SNX25: variants seen among roughly 807,000 people sequenced by gnomAD.
The protein encoded by SNX25 is sorting nexin-25.
A neutral mutation model predicts 113.7 loss-of-function variants in SNX25; 62 were observed. The observed-to-expected ratio is 0.55, with a 90% CI of 0.44 to 0.67. The LOEUF (loss-of-function observed/expected upper bound fraction) is 0.67. Ranked by LOEUF, SNX25 falls within the 30% of genes least tolerant of loss-of-function variation. The pLI is 0.00. For missense variants in SNX25, 1,014 were observed against 1,161.0 expected, an observed-to-expected ratio of 0.87 and a Z score of 1.84; for synonymous variants, 421 against 436.2, an observed-to-expected ratio of 0.97 and a Z score of 0.43.
chr4:185,305,663 A>G (rs951894836), intron 6 of SNX25, among the ~76,000 whole-genome samples: 1 of 152,202 alleles, frequency 6.6e-6, no homozygotes, highest in African/African-American at 2.4e-5. Context: ...AGTCTGTTGT[A>G]ATGTCTTTGT....
chr4:185,327,504 T>C (rs890234981), intron 9 of SNX25, among the ~76,000 whole-genome samples: 1 of 152,238 alleles, frequency 6.6e-6, no homozygotes, highest in Non-Finnish European at 1.5e-5. Flanking sequence ...CCAGTTAATT[T>C]ACTTTAGGAC....
downstream of SNX25, among the ~76,000 whole-genome samples, chr4:185,372,398 A>T (rs2095418965): frequency 6.6e-6 from 1 of 152,254 alleles, no homozygotes; most frequent in South Asian, 2.1e-4. Flanking sequence ...GTAAAATTTA[A>T]AAGTTTAGTG....
intron 4 of SNX25, among the ~76,000 whole-genome samples, chr4:185,265,685 C>T (rs994320500): frequency 4.6e-5 from 7 of 151,998 alleles, no homozygotes; most frequent in African/African-American, 1.4e-4. Flanking sequence ...ACTTTATGAA[C>T]TTTTAATTTT....
intron 7 of SNX25, among the ~76,000 whole-genome samples, chr4:185,317,080 A>C (rs553266372): frequency 1.4e-4 from 21 of 152,350 alleles, no homozygotes; most frequent in African/African-American, 4.3e-4. Context: ...CACATCTGAC[A>C]AAGGTCTAAT....
rs578216997 is a variant in SNX25, at chr4:185,291,142, A to AT, written c.1162+3063dup. Reference sequence around the variant, plus strand: ...TCTAAATGCCTTTCTGGCCCTGATCATTTAAAGGAGCTCACATTCCTTAGA... The same window carrying AT: ...TCTAAATGCCTTTCTGGCCCTGATCATTTTAAAGGAGCTCACATTCCTTAGA... On this transcript the variant is annotated intron_variant, in intron 6 of 18. Transcript: ENST00000652585. Among the ~76,000 whole-genome samples the AT allele has an allele frequency of 5.0e-3, 751 of 150,462 alleles. 7 individuals carry two copies. Among genetic ancestry groups the AT allele is most frequent in the South Asian group, 0.034 (158 of 4,670 alleles).
At chr4:185,233,571 T>C (rs1742172361) in intron 1 of SNX25, among the ~76,000 whole-genome samples, 1 of 152,188 alleles carries the variant, frequency 6.6e-6, no homozygotes, top group Admixed American at 6.5e-5. Flanking sequence ...TCAGTTACCT[T>C]TTTCTAAGCC....
At chr4:185,255,800 A>G (rs1746323189) in intron 2 of SNX25, among the ~76,000 whole-genome samples, 1 of 152,154 alleles carries the variant, frequency 6.6e-6, no homozygotes, top group African/African-American at 2.4e-5. Flanking sequence ...TTTGAGCCTC[A>G]ATTTCCTGAA....
In SNX25 at chr4:185,288,613, TG is replaced by T. The variant is rs769586379; in HGVS notation, c.1162+538del. 7.4e-4 allele frequency among the ~76,000 whole-genome samples: 37 copies of T among 50,120 alleles called. No individual in the cohort carries two copies. In the South Asian group the frequency reaches 0.01, roughly 14 times the overall value. 32.9% of individuals were successfully genotyped at this position (50,120 alleles called of 152,430 possible). A position where few individuals can be genotyped will look rare whatever the true frequency, so the allele number is the denominator to read the frequency against. ...TTGTGTTGTAGGTTTTGTTGGGGGGTGGGGGGGTGGTGTATATATATATTGC... is the reference window on the plus strand; with the variant it reads ...TTGTGTTGTAGGTTTTGTTGGGGGGTGGGGGGTGGTGTATATATATATTGC... On this transcript the variant is annotated intron_variant, in intron 6 of 18. Transcript: ENST00000652585.
At position 185,310,770 on chromosome 4, in the gene SNX25, A is replaced by G; in HGVS notation, c.1298A>G (p.Gln433Arg). ...CTGGGAGGCCCTGCCTATGACCAGC[A>G]AGAGGATGGGGCCCTGGATGAGGGG... Reference protein sequence around the residue: ...RILGGPAYDQQEDGALDEGEG... With the variant: ...RILGGPAYDQREDGALDEGEG... The change falls in exon 7 of 19, where the codon CAA (glutamine) becomes CGA (arginine). Residue 433 changes from glutamine to arginine, a missense_variant. By Grantham distance (43) the Gln-to-Arg change is conservative. Coordinates refer to ENST00000652585, the MANE Select transcript of SNX25 (RefSeq NM_001378034.2). The G allele has an allele frequency of 6.2e-7, 1 of 1,613,728 alleles. No individual in the cohort carries two copies. The highest frequency in any genetic ancestry group is 8.5e-7 in the Non-Finnish European group (1 of 1,179,822).
Position 185,358,139 on chromosome 4 carries a change from C to G in SNX25, c.2651+402C>G, listed in dbSNP as rs1186952882. Among the ~76,000 whole-genome samples, 6 of 152,292 alleles carry G rather than the reference C, an allele frequency of 3.9e-5. No homozygotes were observed. The East Asian group carries it at 9.6e-4, about 24-fold the overall frequency. The stretch of plus-strand genomic sequence containing the variant: ...ATGAGCATCACATGGCAGGCGTTTA[C>G]TTAGAGGAAAATACAGACCATGTAT... On this transcript the variant is annotated intron_variant, in intron 16 of 18. Transcript: ENST00000652585.
At chr4:185,328,355 G>T (rs1044342161) in intron 9 of SNX25, among the ~76,000 whole-genome samples, 1 of 152,116 alleles carries the variant, frequency 6.6e-6, no homozygotes, top group Non-Finnish European at 1.5e-5. Context: ...TTCCCAAAAC[G>T]GGATTTGTGG....
downstream of SNX25, chr4:185,374,442 A>T (rs372847171): frequency 1.3e-5 from 21 of 1,613,846 alleles, no homozygotes; most frequent in Non-Finnish European, 1.6e-5. Flanking sequence ...AATTTTCTTC[A>T]TATAGTCCAC....
chr4:185,208,715 C>G (rs533915341), upstream of SNX25, among the ~76,000 whole-genome samples: 11 of 151,354 alleles, frequency 7.3e-5, no homozygotes, highest in Admixed American at 3.9e-4. Context: ...GCAACAGAGA[C>G]TCCGTCTCAA....
At chr4:185,343,091 A>G (rs940655354) in intron 12 of SNX25, among the ~76,000 whole-genome samples, 2 of 152,070 alleles carry the variant, frequency 1.3e-5, no homozygotes, top group Non-Finnish European at 2.9e-5. Flanking sequence ...GGGTTTCACC[A>G]TGTTGGCCAG....
rs144091349 is a variant in SNX25 at position 185,357,849 on chromosome 4, C to T, written c.2651+112C>T. 325 of 913,280 alleles carry T rather than the reference C, an allele frequency of 3.6e-4. 1 individual carries two copies. The African/African-American group carries it at 4.6e-3, about 13-fold the overall frequency. The allele number at this position is 913,280 out of a possible 1,614,324, so 56.6% of individuals were successfully genotyped here. A position where few individuals can be genotyped will look rare whatever the true frequency, so the allele number is the denominator to read the frequency against. ...TTTAACTGAAAGTCTTTAATTTTCTCTCACTTTTCGTTTCTGATATGATTC... is the reference window on the plus strand; with the variant it reads ...TTTAACTGAAAGTCTTTAATTTTCTTTCACTTTTCGTTTCTGATATGATTC... On this transcript the variant is annotated intron_variant, in intron 16 of 18. Coordinates refer to ENST00000652585, the MANE Select transcript of SNX25 (RefSeq NM_001378034.2).
intron 12 of SNX25, among the ~76,000 whole-genome samples, chr4:185,343,932 C>A (rs2095272505): frequency 6.6e-6 from 1 of 151,880 alleles, no homozygotes; most frequent in African/African-American, 2.4e-5. Context: ...AAACTTTCCA[C>A]CCTCAGCCAG....
chr4:185,321,251 CTTTCA>C (rs2095117342), intron 8 of SNX25, among the ~76,000 whole-genome samples: 1 of 150,682 alleles, frequency 6.6e-6, no homozygotes, highest in Non-Finnish European at 1.5e-5. Context: ...TATACTTTGC[CTTTCA>C]TTTCAATTTT....
At chr4:185,289,674 T>C (rs1288539) in intron 6 of SNX25, among the ~76,000 whole-genome samples, 64,181 of 152,026 alleles carry the variant, frequency 0.42, 13,718 homozygotes, top group East Asian at 0.54. Context: ...GTGTGGACTC[T>C]GTTCCTCTCC....
At chr4:185,276,749 C>A (rs1749750748) in intron 5 of SNX25, among the ~76,000 whole-genome samples, 1 of 152,182 alleles carries the variant, frequency 6.6e-6, no homozygotes, top group Admixed American at 6.5e-5. Flanking sequence ...CCAGAATAAG[C>A]CTCCTTGACC....
Sources: allele counts gnomAD v4.1 joint callset (sites outside exome capture counted in the v4.1 genomes callset), GRCh38; gene constraint gnomAD v4.1.1; transcripts MANE v1.5; gene names NCBI Gene and HGNC (gene_info 2026-07-23, HGNC 2026-07-21).